ANXA10: variants seen among roughly 807,000 people sequenced by gnomAD.
ANXA10 encodes annexin 14.
A neutral mutation model predicts 53.5 loss-of-function variants in ANXA10; 49 were observed. The observed-to-expected ratio is 0.92, with a 90% CI of 0.73 to 1.16. The LOEUF (loss-of-function observed/expected upper bound fraction) is 1.16. ANXA10 is among the 50% of genes most tolerant of loss of function. The pLI, the probability that ANXA10 is intolerant of heterozygous loss-of-function variation, is 0.00. For missense variants in ANXA10, 393 were observed against 394.4 expected, an observed-to-expected ratio of 1.00 and a Z score of 0.03; for synonymous variants, 131 against 128.9, an observed-to-expected ratio of 1.02 and a Z score of -0.11.
intron 3 of ANXA10, among the ~76,000 whole-genome samples, chr4:168,156,197 TA>T (rs1560784506): frequency 3.2e-4 from 4 of 12,602 alleles, no homozygotes; most frequent in African/African-American, 6.1e-4. Flanking sequence ...ATATTATATA[TA>T]ATATATATTA....
intron 3 of ANXA10, among the ~76,000 whole-genome samples, chr4:168,157,216 T>C (rs1010743036): frequency 1.3e-5 from 2 of 152,300 alleles, no homozygotes; most frequent in African/African-American, 4.8e-5. Flanking sequence ...AAACTTTATT[T>C]ATGTTAATAC....
intron 1 of ANXA10, among the ~76,000 whole-genome samples, chr4:168,118,578 G>T (rs1730935364): frequency 6.6e-6 from 1 of 152,156 alleles, no homozygotes; most frequent in Non-Finnish European, 1.5e-5. Flanking sequence ...TGAATGGGGA[G>T]TTGGTACCCA....
At chr4:168,155,958 C>CATATATTATATTATATGATATATA (rs1731644689) in intron 3 of ANXA10, among the ~76,000 whole-genome samples, 3 of 3,776 alleles carry the variant, frequency 7.9e-4, no homozygotes, top group African/African-American at 3.3e-3. Flanking sequence ...TATGATATAT[C>CATATATTATATTATATGATATATA]ATATATTATA....
intron 6 of ANXA10, among the ~76,000 whole-genome samples, chr4:168,170,859 AG>A (rs1410003436): frequency 1.3e-5 from 2 of 152,314 alleles, no homozygotes; most frequent in East Asian, 3.9e-4. Flanking sequence ...TAGAAAATGG[AG>A]GTACCAAACT....
chr4:168,143,655 G>A (rs1266208519), intron 3 of ANXA10, among the ~76,000 whole-genome samples: 1 of 152,208 alleles, frequency 6.6e-6, no homozygotes, highest in African/African-American at 2.4e-5. Flanking sequence ...AACAGACAAT[G>A]ATTCTTGGAG....
intron 3 of ANXA10, among the ~76,000 whole-genome samples, chr4:168,161,229 T>G (rs1731777598): frequency 6.6e-6 from 1 of 152,234 alleles, no homozygotes; most frequent in Non-Finnish European, 1.5e-5. Flanking sequence ...CTTGAGTTAA[T>G]TTTTGTATAT....
intron 1 of ANXA10, among the ~76,000 whole-genome samples, chr4:168,116,885 T>C (rs1730903120): frequency 6.6e-6 from 1 of 152,150 alleles, no homozygotes; most frequent in South Asian, 2.1e-4. Flanking sequence ...GTTTGATTCA[T>C]TGAAGCCACT....
At chr4:168,180,225 C>T (rs1451300098) in intron 9 of ANXA10, among the ~76,000 whole-genome samples, 2 of 151,986 alleles carry the variant, frequency 1.3e-5, no homozygotes, top group Non-Finnish European at 2.9e-5. Context: ...TGTATTTTTT[C>T]TGAAAATGTT....
chr4:168,131,005 CTCTAA>C (rs991021068), intron 2 of ANXA10, among the ~76,000 whole-genome samples: 1 of 151,754 alleles, frequency 6.6e-6, no homozygotes, highest in African/African-American at 2.4e-5. Context: ...TTGATTATTG[CTCTAA>C]TCTTTCTTTT....
chr4:168,145,147 T>C lies in ANXA10; in HGVS notation c.195+5567T>C, dbSNP rs1429139901. The stretch of plus-strand genomic sequence containing the variant: ...GACCAGATGAGCCAGCTTATCAACC[T>C]GGGTGTTGCCAGCTAATCCACTGAG... On this transcript the variant is annotated intron_variant, in intron 3 of 11. Coordinates refer to ENST00000359299, the MANE Select transcript of ANXA10 (RefSeq NM_007193.5). Among the ~76,000 whole-genome samples the C allele has an allele frequency of 2.6e-5, 4 of 152,316 alleles. No homozygotes were observed. The South Asian group carries it at 6.2e-4, about 24-fold the overall frequency.
At chr4:168,093,720 T>A (rs1179371416) in intron 1 of ANXA10, among the ~76,000 whole-genome samples, 4 of 152,096 alleles carry the variant, frequency 2.6e-5, no homozygotes, top group South Asian at 2.1e-4. Context: ...TGCAAAAAAA[T>A]TATAACATAA....
At chr4:168,157,714 A>G (rs1007005237) in intron 3 of ANXA10, among the ~76,000 whole-genome samples, 1 of 152,188 alleles carries the variant, frequency 6.6e-6, no homozygotes. Flanking sequence ...ATATAAATGT[A>G]ATCATGTCAT....
chr4:168,127,554 T>C (rs60774112), intron 1 of ANXA10, among the ~76,000 whole-genome samples: 5,259 of 152,168 alleles, frequency 0.035, 275 homozygotes, highest in African/African-American at 0.12. Context: ...AAAAAATACT[T>C]ACTGTTTGTC....
At chr4:168,120,676 C>G (rs1730970645) in intron 1 of ANXA10, among the ~76,000 whole-genome samples, 1 of 151,948 alleles carries the variant, frequency 6.6e-6, no homozygotes, top group Non-Finnish European at 1.5e-5. Flanking sequence ...ATATCCTCAT[C>G]TTTTACATAA....
At chr4:168,124,742 A>T (rs1412377954) in intron 1 of ANXA10, among the ~76,000 whole-genome samples, 1 of 152,194 alleles carries the variant, frequency 6.6e-6, no homozygotes, top group East Asian at 1.9e-4. Context: ...TTTCTTCTGA[A>T]AACCATGTTT....
At chr4:168,123,854 T>C (rs1181441238) in intron 1 of ANXA10, among the ~76,000 whole-genome samples, 1 of 152,148 alleles carries the variant, frequency 6.6e-6, no homozygotes, top group East Asian at 1.9e-4. Flanking sequence ...TTGTGACTAG[T>C]AAGGGGAGGT....
intron 10 of ANXA10, 96 bp from the exon 11 acceptor site, chr4:168,184,463 G>C: frequency 7.0e-7 from 1 of 1,433,238 alleles, no homozygotes; most frequent in East Asian, 2.3e-5. Context: ...TCAGGAAGAA[G>C]AGAAAATGAC....
At chr4:168,162,455 C>T in intron 3 of ANXA10, 73 bp from the exon 4 acceptor site, 1 of 1,031,114 alleles carries the variant, frequency 9.7e-7, no homozygotes, top group Non-Finnish European at 1.5e-6. Context: ...TATTAAAAGA[C>T]TTTCTGCAAT....
chr4:168,166,756 T>C (rs1431180741), intron 6 of ANXA10, among the ~76,000 whole-genome samples: 1 of 151,558 alleles, frequency 6.6e-6, no homozygotes. Flanking sequence ...TAGCAAAGAA[T>C]TAGTAGTCAC....
Sources: gnomAD v4.1 joint callset for allele counts (sites outside exome capture counted in the v4.1 genomes callset) on GRCh38, gnomAD v4.1.1 for gene constraint, MANE v1.5 for transcripts, NCBI Gene and HGNC (gene_info 2026-07-23, HGNC 2026-07-21) for gene names.